The following IL12RB1 variants were observed in gnomAD, a reference collection of about 807,000 sequenced individuals.
IL12RB1 encodes the protein interleukin 12 receptor subunit beta 1, also known as interleukin-12 receptor subunit beta-1.
A neutral mutation model predicts 94.4 loss-of-function variants in IL12RB1; 64 were observed. The ratio of observed to expected loss-of-function variants is 0.68; its 90% CI spans 0.55 to 0.83. IL12RB1 has a LOEUF of 0.83. IL12RB1 is among the 40% of genes least tolerant of loss of function. IL12RB1 has a pLI of 0.00. For missense variants in IL12RB1, 814 were observed against 855.6 expected, an observed-to-expected ratio of 0.95 and a Z score of 0.61; for synonymous variants, 362 against 355.5, an observed-to-expected ratio of 1.02 and a Z score of -0.21.
chr19:18,089,270 T>C (rs999137808), upstream of IL12RB1, among the ~76,000 whole-genome samples: 3 of 152,114 alleles, frequency 2.0e-5, no homozygotes, highest in Non-Finnish European at 4.4e-5. Context: ...TGGAACCAGA[T>C]AGAGGTGGTG....
rs573429358 is a variant in IL12RB1, at chr19:18,078,228, G to C, written c.410-573C>G. ...GTTTAAGACCAACCTGGCCAACACG[G>C]TGAAACACCGTCTCTACTAAATACA... On this transcript the variant is annotated intron_variant, in intron 4 of 16. Coordinates refer to ENST00000593993, the MANE Select transcript of IL12RB1 (RefSeq NM_005535.3). Among the ~76,000 whole-genome samples, 51 of 152,086 alleles carry C rather than the reference G, an allele frequency of 3.4e-4. No homozygotes were observed. The East Asian group carries it at 9.3e-3, about 28-fold the overall frequency.
At chr19:18,083,298 G>A in intron 2 of IL12RB1, 134 bp downstream of exon 2, 1 of 841,828 alleles carries the variant, frequency 1.2e-6, no homozygotes, top group Non-Finnish European at 2.1e-6. Flanking sequence ...CAGGTGGTGG[G>A]GTGGGGACTC....
chr19:18,085,754 G>T (rs2036283812), intron 1 of IL12RB1, among the ~76,000 whole-genome samples: 1 of 151,958 alleles, frequency 6.6e-6, no homozygotes, highest in African/African-American at 2.4e-5. Context: ...GAGTACAGGT[G>T]CCCATCATCA....
At position 18,069,597 on chromosome 19, in the gene IL12RB1, G is replaced by T. The variant is rs373076771; in HGVS notation, c.1138C>A (p.Leu380Ile). The T allele has an allele frequency of 4.3e-5, 69 of 1,612,604 alleles. No individual in the cohort carries two copies. The Middle Eastern group carries it at 8.2e-4, about 19-fold the overall frequency. Residue 380 changes from leucine (L) to isoleucine (I), a missense_variant, in exon 10 of 17, where the codon CTT becomes ATT. Leu to Ile is a conservative substitution (Grantham distance 5, BLOSUM62 2). Transcript: ENST00000593993. ...GGCGCAGTCAGGCTGCAGGTGGCAAGGCCCCCGTCCTGGCCCACAGGCTGC... is the reference window on the plus strand; with the variant it reads ...GGCGCAGTCAGGCTGCAGGTGGCAATGCCCCCGTCCTGGCCCACAGGCTGC... ...EWQPVGQDGG[L>I]ATCSLTAPQD...
At chr19:18,088,453 A>C (rs994094974), upstream of IL12RB1, among the ~76,000 whole-genome samples, 1 of 150,214 alleles carries the variant, frequency 6.7e-6, no homozygotes, top group African/African-American at 2.5e-5. Flanking sequence ...ATTCTCAGCT[A>C]CTCAGGAGGC....
upstream of IL12RB1, among the ~76,000 whole-genome samples, chr19:18,087,537 A>T (rs1441765119): frequency 6.6e-6 from 1 of 150,382 alleles, no homozygotes; most frequent in Admixed American, 6.6e-5. Flanking sequence ...TTCTTTTGAG[A>T]TAGGGTCTTG....
At chr19:18,074,820 G>A (rs1372694167) in intron 7 of IL12RB1, among the ~76,000 whole-genome samples, 3 of 152,024 alleles carry the variant, frequency 2.0e-5, no homozygotes, top group Non-Finnish European at 1.5e-5. Flanking sequence ...GGGAGGCCGA[G>A]GAGGGCAGAT....
At position 18,068,421 on chromosome 19, in the gene IL12RB1, G is replaced by A. The variant is rs200875188; in HGVS notation, c.1295C>T (p.Thr432Met). Residue 432 changes from threonine to methionine, a missense_variant, in exon 11 of 17, where the codon ACG becomes ATG. Physicochemically the swap from Thr to Met is moderately conservative, Grantham distance 81. Transcript: ENST00000593993. ...CCCAAAGTGGTAGGTGGACAGGACC[G>A]TAGACCACAAGGTGAGCTTCTCGGG... ...AHPEKLTLWS[T>M]VLSTYHFGGN... 1.1e-4 allele frequency: 182 copies of A among 1,612,998 alleles called. No homozygotes were observed. The African/African-American group carries it at 1.7e-3, about 15-fold the overall frequency.
At position 18,084,697 on chromosome 19, in the gene IL12RB1, C is replaced by CCATA. The variant is rs71164365; in HGVS notation, c.65-1210_65-1207dup. ...TCCATCCATCCATCCATCCATCCAT[C>CCATA]CATACATACATACATGTATTTATTA... is the stretch of plus-strand genomic sequence containing the variant. On this transcript the variant is annotated intron_variant, in intron 1 of 16. Coordinates refer to ENST00000593993, the MANE Select transcript of IL12RB1 (RefSeq NM_005535.3). Among the ~76,000 whole-genome samples, 609 of 83,962 alleles carry CCATA rather than the reference C, an allele frequency of 7.3e-3. 6 individuals carry two copies. Among genetic ancestry groups the CCATA allele is most frequent in the East Asian group, 0.036 (90 of 2,530 alleles). 55.1% of individuals were successfully genotyped at this position (83,962 alleles called of 152,430 possible).
chr19:18,090,612 G>C (rs1318564817), upstream of IL12RB1: 4 of 152,382 alleles, frequency 2.6e-5, no homozygotes, highest in Admixed American at 6.5e-5. Context: ...TCCCCCACCC[G>C]CACCAAGGTT....
chr19:18,082,757 T>C (rs577350844), intron 2 of IL12RB1, among the ~76,000 whole-genome samples: 1 of 152,272 alleles, frequency 6.6e-6, no homozygotes, highest in South Asian at 2.1e-4. Context: ...TCAGACCCTT[T>C]TCAGGGTGCA....
intron 7 of IL12RB1, among the ~76,000 whole-genome samples, chr19:18,075,268 T>C (rs1280499953): frequency 6.9e-6 from 1 of 145,198 alleles, no homozygotes; most frequent in Non-Finnish European, 1.5e-5. Flanking sequence ...TTTTTTTTTT[T>C]ACTTTTTTTT....
At chr19:18,075,553 G>A (rs891778449) in intron 7 of IL12RB1, among the ~76,000 whole-genome samples, 196 bp downstream of exon 7, 5 of 151,906 alleles carry the variant, frequency 3.3e-5, no homozygotes, top group Admixed American at 3.3e-4. Context: ...CAGCCACCAC[G>A]CCCAGCCCCA....
chr19:18,077,287 G>A (rs567723201), intron 5 of IL12RB1, among the ~76,000 whole-genome samples: 28 of 152,102 alleles, frequency 1.8e-4, no homozygotes, highest in African/African-American at 2.6e-4. Context: ...GCTTGAACCC[G>A]GGAGGCAGAG....
chr19:18,083,499 G>A lies in IL12RB1; in HGVS notation c.65-8C>T, dbSNP rs1288892744. The A allele has an allele frequency of 1.2e-6, 2 of 1,613,654 alleles. No individual in the cohort carries two copies. The highest frequency in any genetic ancestry group is 1.7e-6 in the Non-Finnish European group (2 of 1,179,846). ...CACTGGTTCTGCAGGCAGCTGCAAAGGCAATGAAGACATAATGACATTCCT... is the reference window on the plus strand; with the variant it reads ...CACTGGTTCTGCAGGCAGCTGCAAAAGCAATGAAGACATAATGACATTCCT... On this transcript the variant is annotated splice_region_variant and splice_polypyrimidine_tract_variant and intron_variant, in intron 1 of 16. Transcript: ENST00000593993.
intron 8 of IL12RB1, among the ~76,000 whole-genome samples, chr19:18,073,142 C>A (rs1190717231): frequency 1.3e-5 from 2 of 151,990 alleles, no homozygotes; most frequent in Non-Finnish European, 2.9e-5. Context: ...CTCAGTTTCC[C>A]TCTCTGTAAA....
rs769424178 is a variant in IL12RB1, at chr19:18,059,981, G to A, written c.1896C>T (p.Leu632=). The change falls in exon 16 of 17, where the codon CTC becomes CTT. Residue 632 remains leucine, a synonymous_variant. Coordinates refer to ENST00000593993, the MANE Select transcript of IL12RB1 (RefSeq NM_005535.3). ...SWDKGERTEP[L]EKTELPEGAP... is the part of the protein sequence containing the mutation. ...CACCCTCAGGTAGCTCTGTCTTCTC[G>A]AGAGGCTCAGTCCTCTCGCCTTTGT... 6 of 1,599,750 alleles carry A rather than the reference G, an allele frequency of 3.8e-6. No individual in the cohort carries two copies. Among genetic ancestry groups the A allele is most frequent in the Admixed American group, 3.4e-5 (2 of 58,584 alleles).
chr19:18,082,375 C>T, intron 2 of IL12RB1, 111 bp from the exon 3 acceptor site: 1 of 719,822 alleles, frequency 1.4e-6, no homozygotes, highest in Non-Finnish European at 2.5e-6. Context: ...AGCCTAAACC[C>T]TCCCCGCGTC....
Position 18,068,380 on chromosome 19 carries a change from G to T in IL12RB1, c.1327+9C>A, listed in dbSNP as rs185883069. 151 of 1,604,302 alleles carry T rather than the reference G, an allele frequency of 9.4e-5. No individual in the cohort carries two copies. The African/African-American group carries it at 1.9e-3, about 20-fold the overall frequency. On this transcript the variant is annotated intron_variant, in intron 11 of 16. Coordinates refer to ENST00000593993, the MANE Select transcript of IL12RB1 (RefSeq NM_005535.3). ...AAATAATGTAAACCTGCAGGTTTGG[G>T]TCACTTACCATTGCCCCCAAAGTGG...
Sources: gnomAD v4.1 joint callset for allele counts (sites outside exome capture counted in the v4.1 genomes callset) on GRCh38, gnomAD v4.1.1 for gene constraint, MANE v1.5 for transcripts, NCBI Gene and HGNC (gene_info 2026-07-23, HGNC 2026-07-21) for gene names.